The following PRICKLE2 variants were observed in gnomAD, a reference collection of about 807,000 sequenced individuals.
PRICKLE2 encodes prickle planar cell polarity protein 2.
A neutral mutation model predicts 81.4 loss-of-function variants in PRICKLE2; 21 were observed. The observed-to-expected ratio is 0.26, with a 90% CI of 0.18 to 0.37. The LOEUF (loss-of-function observed/expected upper bound fraction) is 0.37, where lower values mean the gene tolerates loss of function less well. Ranked by LOEUF, PRICKLE2 falls within the 10% of genes least tolerant of loss-of-function variation. PRICKLE2 has a pLI of 1.00. For synonymous variants in PRICKLE2, 456 were observed against 421.5 expected (o/e 1.08, Z -1.00); for missense variants, 940 against 1,109.0 (o/e 0.85, Z 2.16).
chr3:64,266,748 C>T (rs704417), intron 2 of PRICKLE2, among the ~76,000 whole-genome samples: 92,561 of 151,946 alleles, frequency 0.61, 30,243 homozygotes, highest in East Asian at 0.88. Context: ...AAAACATTTG[C>T]GTACAGAAAG....
chr3:64,237,060 G>A (rs949752008), intron 2 of PRICKLE2, among the ~76,000 whole-genome samples: 5 of 152,166 alleles, frequency 3.3e-5, no homozygotes, highest in African/African-American at 1.2e-4. Context: ...TGGGGAGCAC[G>A]CAGGTGAGTG....
Position 64,254,621 on chromosome 3 carries a change from T to C in PRICKLE2, c.129-55654A>G, listed in dbSNP as rs1394217188. On this transcript the variant is annotated intron_variant, in intron 2 of 8. Transcript: ENST00000295902. ...AATTTCTCTTCATGGATTTTTGTTC[T>C]TCCACCCACGCAGTCCTAGTCATTC... 2.6e-5 allele frequency among the ~76,000 whole-genome samples: 4 copies of C among 152,350 alleles called. No homozygotes were observed. In the East Asian group the frequency reaches 7.7e-4, roughly 29 times the overall value.
chr3:64,128,478 T>C (rs1346658721), intron 7 of PRICKLE2, among the ~76,000 whole-genome samples: 2 of 152,102 alleles, frequency 1.3e-5, no homozygotes, highest in Non-Finnish European at 2.9e-5. Flanking sequence ...CCAGGTGCGG[T>C]GGCCAACGCC....
chr3:64,154,889 C>G (rs1423880968), intron 5 of PRICKLE2: 1 of 152,068 alleles, frequency 6.6e-6, no homozygotes, highest in Non-Finnish European at 1.5e-5. Context: ...TGGCTCACAC[C>G]TGTAATCCCA....
At chr3:64,209,111 A>G (rs1479208159) in intron 1 of PRICKLE2, among the ~76,000 whole-genome samples, 3 of 152,022 alleles carry the variant, frequency 2.0e-5, no homozygotes, top group East Asian at 1.9e-4. Flanking sequence ...CCATCCACCC[A>G]TCTATTCATT....
chr3:64,258,843 A>AGG (rs2079568899), intron 2 of PRICKLE2, among the ~76,000 whole-genome samples: 10 of 117,198 alleles, frequency 8.5e-5, no homozygotes, highest in Non-Finnish European at 1.1e-4. Flanking sequence ...AAAAAAAAAA[A>AGG]AAAAAGAAAG....
At chr3:64,265,988 G>GAAAAT (rs1373436249) in intron 2 of PRICKLE2, among the ~76,000 whole-genome samples, 3 of 152,038 alleles carry the variant, frequency 2.0e-5, no homozygotes, top group Non-Finnish European at 2.9e-5. Flanking sequence ...GTACAACCCC[G>GAAAAT]AAAATAAAAA....
chr3:64,193,364 G>C (rs2078383763), intron 2 of PRICKLE2, among the ~76,000 whole-genome samples: 2 of 152,140 alleles, frequency 1.3e-5, no homozygotes, highest in Non-Finnish European at 2.9e-5. Context: ...TAGTCATTTA[G>C]ACAGTAATTG....
At chr3:64,258,851 A>AAGAAAAGAAAGAAAGAG (rs2079571196) in intron 2 of PRICKLE2, among the ~76,000 whole-genome samples, 1 of 127,216 alleles carries the variant, frequency 7.9e-6, no homozygotes, top group African/African-American at 3.2e-5. Context: ...AAAAAAAAGA[A>AAGAAAAGAAAGAAAGAG]AGAAAGAAAG....
At chr3:64,148,630 G>A (rs1559540348) in intron 6 of PRICKLE2, among the ~76,000 whole-genome samples, 2 of 152,186 alleles carry the variant, frequency 1.3e-5, no homozygotes, top group African/African-American at 4.8e-5. Context: ...CTAAAGTGAT[G>A]GCATTAGGAG....
Position 64,146,822 on chromosome 3 carries a change from G to A in PRICKLE2, c.1660+8C>T, listed in dbSNP as rs1161425717. ...TTTCTATCTGTTTTCAAGGTGAACA[G>A]AACCTACCTGTTGCATTAGACAGGG... is the stretch of plus-strand genomic sequence containing the variant. On this transcript the variant is annotated splice_region_variant and intron_variant, in intron 7 of 7. Coordinates refer to ENST00000638394, the MANE Select transcript of PRICKLE2 (RefSeq NM_198859.4). 1.9e-6 allele frequency: 3 copies of A among 1,613,996 alleles called. No individual in the cohort carries two copies. The South Asian group carries it at 3.3e-5, about 18-fold the overall frequency.
chr3:64,173,875 G>A (rs1466061612), intron 2 of PRICKLE2, among the ~76,000 whole-genome samples: 5 of 152,094 alleles, frequency 3.3e-5, no homozygotes, highest in Admixed American at 1.3e-4. Flanking sequence ...TCTAAACCAC[G>A]CTTTTCTTTT....
intron 1 of PRICKLE2, among the ~76,000 whole-genome samples, chr3:64,216,058 C>T (rs1342431616): frequency 1.3e-5 from 2 of 152,236 alleles, no homozygotes; most frequent in East Asian, 3.8e-4. Flanking sequence ...CTCTCTCCTT[C>T]TAGCTCCGCA....
At chr3:64,163,943 A>C (rs1341953729) in intron 2 of PRICKLE2, 1 of 152,068 alleles carries the variant, frequency 6.6e-6, no homozygotes, top group African/African-American at 2.4e-5. Context: ...AAAAAAAAAA[A>C]AAAAAAATCC....
intron 4 of PRICKLE2, 124 bp from the exon 5 acceptor site, chr3:64,157,489 G>A: frequency 2.0e-6 from 2 of 986,060 alleles, no homozygotes; most frequent in South Asian, 2.8e-5. Flanking sequence ...CAGTCACTAT[G>A]CTTCCTGCTT....
intron 4 of PRICKLE2, among the ~76,000 whole-genome samples, chr3:64,159,098 C>T (rs537786476): frequency 5.9e-5 from 9 of 152,294 alleles, no homozygotes; most frequent in African/African-American, 1.7e-4. Context: ...AACTCTTCTT[C>T]ACCACACCCT....
At chr3:64,123,865 T>G (rs2077066819) in intron 7 of PRICKLE2, among the ~76,000 whole-genome samples, 1 of 152,148 alleles carries the variant, frequency 6.6e-6, no homozygotes, top group African/African-American at 2.4e-5. Flanking sequence ...GACCAAACAA[T>G]ATTGAAATTA....
chr3:64,257,693 C>T (rs887997272), intron 2 of PRICKLE2, among the ~76,000 whole-genome samples: 1 of 152,066 alleles, frequency 6.6e-6, no homozygotes, highest in African/African-American at 2.4e-5. Context: ...AGAATGTAGG[C>T]ATGGCCAATG....
At position 64,099,777 on chromosome 3, in the gene PRICKLE2, C is replaced by G. The variant is rs768820914; in HGVS notation, c.1809G>C (p.Glu603Asp). 9 of 1,614,094 alleles carry G rather than the reference C, an allele frequency of 5.6e-6. No homozygotes were observed. Among genetic ancestry groups the G allele is most frequent in the Middle Eastern group, 1.6e-4 (1 of 6,084 alleles). ...GGGCAGAGAGCAGGCTGCGAACTGA[C>G]TCTGCGCTCCGGAACTGCATGGACG... ...LNSSMQFRSA[E>D]SVRSLLSAQQ... is the part of the protein sequence containing the mutation. The change falls in exon 8 of 8, where the codon GAG becomes GAC. Residue 603 changes from glutamate (E) to aspartate (D), a missense_variant. By Grantham distance (45) the Glu-to-Asp change is conservative. This residue lies in a region of PRICKLE2 where 670 missense variants were observed against 717.2 expected (regional missense o/e 0.93). Transcript: ENST00000638394. The surrounding 1 kb of genome is among the most constrained non-coding windows in gnomAD (Gnocchi z 4.3).
Sources: allele counts gnomAD v4.1 joint callset (sites outside exome capture counted in the v4.1 genomes callset), GRCh38; gene constraint gnomAD v4.1.1; regional missense constraint gnomAD v4.1.1; non-coding constraint Gnocchi (gnomAD v3.1); transcripts MANE v1.5; gene names NCBI Gene and HGNC (gene_info 2026-07-23, HGNC 2026-07-21).